Variants in TNS3 observed in about 807,000 individuals in gnomAD.
TNS3 encodes tensin-3.
Under a neutral mutation model 140.9 loss-of-function variants are expected in TNS3, and 45 were observed. That is an observed-to-expected ratio of 0.32 (90% CI 0.25 to 0.41). The LOEUF is 0.41. Among genes scored for constraint, TNS3 ranks in the 10% least tolerant of loss-of-function variants. The pLI is 1.00. For missense variants in TNS3, 1,716 were observed against 1,906.7 expected (o/e 0.90, Z 1.86); for synonymous variants, 815 against 788.4 (o/e 1.03, Z -0.56).
At chr7:47,574,817 A>C (rs1356331733) in intron 1 of TNS3, among the ~76,000 whole-genome samples, 6 of 152,214 alleles carry the variant, frequency 3.9e-5, no homozygotes, top group Admixed American at 3.9e-4. Flanking sequence ...TCCGTTTCAC[A>C]GGGACAGAAA....
chr7:47,340,115 ATTTTTT>A (rs770520080), intron 20 of TNS3, among the ~76,000 whole-genome samples: 19 of 28,562 alleles, frequency 6.7e-4, no homozygotes, highest in African/African-American at 2.0e-3. Context: ...ATATATATAT[ATTTTTT>A]TTTTTTTTTT....
chr7:47,423,981 T>G, intron 10 of TNS3, 120 bp downstream of exon 10: 1 of 999,394 alleles, frequency 1.0e-6, no homozygotes, highest in South Asian at 1.5e-5. Flanking sequence ...GTCTTTGGCA[T>G]GACCCAAGAA....
intron 20 of TNS3, among the ~76,000 whole-genome samples, chr7:47,312,278 C>T (rs1484034481): frequency 6.6e-6 from 1 of 152,194 alleles, no homozygotes; most frequent in East Asian, 1.9e-4. Context: ...TTATTTCTTT[C>T]TATTAAAGCT....
intron 2 of TNS3, among the ~76,000 whole-genome samples, chr7:47,510,943 T>C (rs1416200753): frequency 6.6e-6 from 1 of 151,970 alleles, no homozygotes; most frequent in Admixed American, 6.6e-5. Flanking sequence ...TCAACAATAT[T>C]ATTAACAAAT....
At chr7:47,554,215 T>C (rs112734279) in intron 1 of TNS3, among the ~76,000 whole-genome samples, 5,704 of 148,034 alleles carry the variant, frequency 0.039, 330 homozygotes, top group African/African-American at 0.13. Context: ...GGTCAGGAGT[T>C]CAAGACCTAC....
chr7:47,473,135 T>A (rs777803572), intron 4 of TNS3, among the ~76,000 whole-genome samples: 1 of 152,186 alleles, frequency 6.6e-6, no homozygotes, highest in Non-Finnish European at 1.5e-5. Context: ...ACAGGCTAAC[T>A]AAACACCACT....
At chr7:47,449,133 G>C (rs1450334590) in intron 4 of TNS3, among the ~76,000 whole-genome samples, 1 of 152,264 alleles carries the variant, frequency 6.6e-6, no homozygotes, top group Admixed American at 6.5e-5. Flanking sequence ...CTACTGCCCA[G>C]GGAAGTCACT....
chr7:47,432,005 T>C, intron 8 of TNS3, among the ~76,000 whole-genome samples: 1 of 151,952 alleles, frequency 6.6e-6, no homozygotes, highest in East Asian at 1.9e-4. Flanking sequence ...CAATAACAAG[T>C]AAGGAGATTG....
intron 17 of TNS3, among the ~76,000 whole-genome samples, chr7:47,351,097 A>C (rs1240336088): frequency 6.6e-6 from 1 of 152,246 alleles, no homozygotes; most frequent in African/African-American, 2.4e-5. Flanking sequence ...TAGGGAAACA[A>C]CACACAGATT....
rs1002598547 is a variant in TNS3 at position 47,396,763 on chromosome 7, T to C, written c.1024+37A>G. 3.9e-6 allele frequency: 6 copies of C among 1,535,368 alleles called. No individual in the cohort carries two copies. In the African/African-American group the frequency reaches 6.8e-5, roughly 17 times the overall value. Reference sequence around the variant, plus strand: ...GAGTGGGCTGTCTTCCCTGTGCCCTTTGCCTCCATAACTGCACACAAGATG... The same window carrying C: ...GAGTGGGCTGTCTTCCCTGTGCCCTCTGCCTCCATAACTGCACACAAGATG... On this transcript the variant is annotated intron_variant, in intron 16 of 30. Transcript: ENST00000311160.
At chr7:47,413,629 G>A (rs1793911244) in intron 12 of TNS3, among the ~76,000 whole-genome samples, 1 of 151,606 alleles carries the variant, frequency 6.6e-6, no homozygotes, top group Non-Finnish European at 1.5e-5. Flanking sequence ...AAAACCAAGG[G>A]GCCACCATAC....
intron 1 of TNS3, among the ~76,000 whole-genome samples, chr7:47,556,795 G>A (rs80001808): frequency 0.038 from 5,763 of 152,298 alleles, 330 homozygotes; most frequent in African/African-American, 0.13. Context: ...GCTGGGCTGA[G>A]GGGAATGCAA....
chr7:47,299,280 A>G (rs894843278), intron 23 of TNS3, among the ~76,000 whole-genome samples: 2 of 151,966 alleles, frequency 1.3e-5, no homozygotes, highest in South Asian at 2.1e-4. Context: ...TGGGACTACA[A>G]GTGTACACCA....
chr7:47,427,837 C>T (rs1045064017), intron 9 of TNS3, among the ~76,000 whole-genome samples: 2 of 152,174 alleles, frequency 1.3e-5, no homozygotes, highest in Non-Finnish European at 2.9e-5. Flanking sequence ...GTAACTGCCT[C>T]GTGGATTAGT....
intron 12 of TNS3, among the ~76,000 whole-genome samples, chr7:47,412,096 A>C (rs1274446084): frequency 6.6e-6 from 1 of 152,226 alleles, no homozygotes; most frequent in Non-Finnish European, 1.5e-5. Flanking sequence ...GAAGGGGCCC[A>C]GGGTGTGCAC....
intron 20 of TNS3, among the ~76,000 whole-genome samples, chr7:47,336,240 G>A (rs187964080): frequency 3.3e-5 from 5 of 151,630 alleles, no homozygotes; most frequent in African/African-American, 1.2e-4. Flanking sequence ...GTGTGTCAGG[G>A]AAGCTTGGGG....
chr7:47,315,075 C>T (rs972463537), intron 20 of TNS3, among the ~76,000 whole-genome samples: 19 of 152,218 alleles, frequency 1.2e-4, no homozygotes, highest in Non-Finnish European at 2.6e-4. Flanking sequence ...CTGTTTAGAC[C>T]GTGTGCACGC....
chr7:47,460,191 C>A (rs1457828110), intron 4 of TNS3, among the ~76,000 whole-genome samples: 2 of 136,300 alleles, frequency 1.5e-5, no homozygotes, highest in African/African-American at 5.8e-5. Context: ...CCAGCCCGGG[C>A]GACAGAGCAA....
chr7:47,469,590 A>G (rs1186493099), intron 4 of TNS3, among the ~76,000 whole-genome samples: 1 of 152,212 alleles, frequency 6.6e-6, no homozygotes, highest in Non-Finnish European at 1.5e-5. Context: ...CCAAAAAGAC[A>G]CATGCACTCA....
Sources: allele counts gnomAD v4.1 joint callset (sites outside exome capture counted in the v4.1 genomes callset), GRCh38; gene constraint gnomAD v4.1.1; transcripts MANE v1.5; gene names NCBI Gene and HGNC (gene_info 2026-07-23, HGNC 2026-07-21).